TRAPPC9: variants seen among roughly 807,000 people sequenced by gnomAD.
TRAPPC9 encodes trafficking protein particle complex subunit 9.
In TRAPPC9, 83 loss-of-function variants were observed where a neutral mutation model predicts 124.0. That is an observed-to-expected ratio of 0.67 (90% confidence interval 0.56 to 0.80). The LOEUF (loss-of-function observed/expected upper bound fraction) is 0.80, where lower values mean the gene tolerates loss of function less well. Ranked by LOEUF, TRAPPC9 falls within the 30% of genes least tolerant of loss-of-function variation. TRAPPC9 has a pLI of 0.00. For synonymous variants in TRAPPC9, 638 were observed against 617.5 expected (o/e 1.03, Z -0.49); for missense variants, 1,302 against 1,508.3 (o/e 0.86, Z 2.27).
intron 9 of TRAPPC9, among the ~76,000 whole-genome samples, chr8:140,333,893 A>G (rs990371998): frequency 1.8e-4 from 28 of 152,354 alleles, no homozygotes; most frequent in African/African-American, 6.5e-4. Context: ...CCAGTGTAAC[A>G]CAGATGTTTT....
At chr8:139,922,511 T>C (rs774361274) in intron 19 of TRAPPC9, among the ~76,000 whole-genome samples, 4 of 152,238 alleles carry the variant, frequency 2.6e-5, no homozygotes, top group African/African-American at 7.2e-5. Flanking sequence ...ACAAAGCAGA[T>C]GAGGAAACTG....
At chr8:139,952,684 G>T (rs983866867) in intron 19 of TRAPPC9, among the ~76,000 whole-genome samples, 1 of 152,234 alleles carries the variant, frequency 6.6e-6, no homozygotes, top group African/African-American at 2.4e-5. Context: ...GCCAGAGGAT[G>T]GGGCCGAGGG....
chr8:139,932,497 T>C (rs1437470689), intron 19 of TRAPPC9: 2 of 456,810 alleles, frequency 4.4e-6, no homozygotes, highest in African/African-American at 4.0e-5. Flanking sequence ...GCGCGGTGGC[T>C]CACGCCTGTA....
Position 139,807,987 on chromosome 8 carries a change from G to A in TRAPPC9, c.3056-75785C>T, listed in dbSNP as rs577857000. On this transcript the variant is annotated intron_variant, in intron 21 of 22. Coordinates refer to ENST00000438773, the MANE Select transcript of TRAPPC9 (RefSeq NM_001160372.4). The stretch of plus-strand genomic sequence containing the variant: ...GTGGGGGCAGGCACAAATGGAACAC[G>A]CATCCCTACAGGTGTGTATCTTGTT... 8.2e-4 allele frequency among the ~76,000 whole-genome samples: 125 copies of A among 152,182 alleles called. 1 individual carries two copies. Among genetic ancestry groups the A allele is most frequent in the South Asian group, 1.9e-3 (9 of 4,818 alleles).
chr8:140,404,788 G>A (rs940083489), intron 6 of TRAPPC9, among the ~76,000 whole-genome samples: 1 of 149,246 alleles, frequency 6.7e-6, no homozygotes, highest in Admixed American at 6.6e-5. Context: ...GAGCATGCTT[G>A]TATGTATGTG....
intron 6 of TRAPPC9, among the ~76,000 whole-genome samples, chr8:140,402,379 C>G (rs1055630031): frequency 1.4e-5 from 2 of 147,442 alleles, no homozygotes; most frequent in Non-Finnish European, 3.0e-5. Flanking sequence ...GACTGGGCAA[C>G]AGAGCAAGAC....
In TRAPPC9 at chr8:140,075,968, G is replaced by T. The variant is rs75400023; in HGVS notation, c.2557-51889C>A. Among the ~76,000 whole-genome samples, 200 of 152,300 alleles carry T rather than the reference G, an allele frequency of 1.3e-3. 1 individual carries two copies. Among genetic ancestry groups the T allele is most frequent in the African/African-American group, 4.6e-3 (190 of 41,562 alleles). On this transcript the variant is annotated intron_variant, in intron 17 of 22. Transcript: ENST00000438773. Reference sequence around the variant, plus strand: ...TATGATAGCCCACTTCTAATGCAACGATAACGAGAAGAGCAGTGCTAATAA... The same window carrying T: ...TATGATAGCCCACTTCTAATGCAACTATAACGAGAAGAGCAGTGCTAATAA...
In TRAPPC9 at chr8:139,884,096, C is replaced by T. The variant is rs530582383; in HGVS notation, c.3055+1783G>A. Among the ~76,000 whole-genome samples, 188 of 152,248 alleles carry T rather than the reference C, an allele frequency of 1.2e-3. 1 individual carries two copies. Among genetic ancestry groups the T allele is most frequent in the African/African-American group, 4.2e-3 (176 of 41,526 alleles). ...TCTGAGGCTCAGAATCAAAGTGAATCGACATTTGTAAACGTGTCTGGCACA... is the reference window on the plus strand; with the variant it reads ...TCTGAGGCTCAGAATCAAAGTGAATTGACATTTGTAAACGTGTCTGGCACA... On this transcript the variant is annotated intron_variant, in intron 21 of 22. Transcript: ENST00000438773.
intron 7 of TRAPPC9, 69 bp downstream of exon 7, chr8:140,397,551 G>A (rs2069132366): frequency 1.3e-6 from 2 of 1,590,550 alleles, no homozygotes; most frequent in Non-Finnish European, 1.7e-6. Flanking sequence ...GAAATAAGCT[G>A]AATTCATAGT....
intron 2 of TRAPPC9, among the ~76,000 whole-genome samples, chr8:140,444,206 T>C (rs1588368801): frequency 1.4e-5 from 2 of 144,392 alleles, no homozygotes; most frequent in Admixed American, 6.9e-5. Flanking sequence ...AGTGAGACTC[T>C]GTCTCAAAAA....
intron 21 of TRAPPC9, among the ~76,000 whole-genome samples, chr8:139,800,500 C>T (rs1823416968): frequency 6.6e-6 from 1 of 152,200 alleles, no homozygotes; most frequent in Non-Finnish European, 1.5e-5. Flanking sequence ...GGTCGCCTGT[C>T]CCAAAGCTGA....
Position 140,257,102 on chromosome 8 carries a change from T to C in TRAPPC9, c.2279-4173A>G, listed in dbSNP as rs1212762141. Among the ~76,000 whole-genome samples the C allele has an allele frequency of 2.0e-5, 3 of 152,190 alleles. No individual in the cohort carries two copies. The highest frequency in any genetic ancestry group is 4.4e-5 in the Non-Finnish European group (3 of 68,038). Reference sequence around the variant, plus strand: ...CCAGAGGAGGCATGAGTCTCCGCCATAGTGCAGAGTAGTTAGCTTACAGCA... The same window carrying C: ...CCAGAGGAGGCATGAGTCTCCGCCACAGTGCAGAGTAGTTAGCTTACAGCA... On this transcript the variant is annotated intron_variant, in intron 15 of 22. Transcript: ENST00000438773. This position sits in a 1 kb window ranked among gnomAD's most constrained non-coding sequence, Gnocchi z 4.6.
At chr8:140,239,075 G>GCTGGCTTGGGGGCAC (rs2063795497) in intron 16 of TRAPPC9, among the ~76,000 whole-genome samples, 1 of 152,204 alleles carries the variant, frequency 6.6e-6, no homozygotes, top group African/African-American at 2.4e-5. Context: ...CCTTGGAGCA[G>GCTGGCTTGGGGGCAC]CTGGCTTGGG....
At chr8:140,075,234 T>C (rs1222140694) in intron 17 of TRAPPC9, among the ~76,000 whole-genome samples, 1 of 152,174 alleles carries the variant, frequency 6.6e-6, no homozygotes, top group Non-Finnish European at 1.5e-5. Context: ...CACTAGACTG[T>C]CTTGGAGGTT....
At chr8:140,310,619 CA>C (rs781073171) in intron 10 of TRAPPC9, among the ~76,000 whole-genome samples, 5 of 152,150 alleles carry the variant, frequency 3.3e-5, no homozygotes, top group Non-Finnish European at 7.3e-5. Flanking sequence ...GAGTGACAGT[CA>C]CACAGAAAGG....
intron 4 of TRAPPC9, among the ~76,000 whole-genome samples, chr8:140,427,995 G>A (rs2070490294): frequency 6.6e-6 from 1 of 152,088 alleles, no homozygotes; most frequent in African/African-American, 2.4e-5. Flanking sequence ...CTGAAGCCCA[G>A]AGGAGCCAAG....
chr8:140,405,877 A>C (rs187018066), intron 5 of TRAPPC9, among the ~76,000 whole-genome samples, 179 bp from the exon 6 acceptor site: 1 of 152,368 alleles, frequency 6.6e-6, no homozygotes, highest in East Asian at 1.9e-4. Flanking sequence ...AAAGCATTGT[A>C]TTAAATGTTG....
chr8:139,784,498 C>T (rs1822049509), intron 21 of TRAPPC9, among the ~76,000 whole-genome samples: 1 of 151,590 alleles, frequency 6.6e-6, no homozygotes, highest in Non-Finnish European at 1.5e-5. Context: ...GGCCTGAACC[C>T]AGGAGGCTGA....
At chr8:140,416,857 G>C (rs552986600) in intron 5 of TRAPPC9, among the ~76,000 whole-genome samples, 7 of 152,248 alleles carry the variant, frequency 4.6e-5, no homozygotes, top group Admixed American at 1.3e-4. Flanking sequence ...CATGGTACTG[G>C]TACCAAAACA....
Sources: allele counts gnomAD v4.1 joint callset (sites outside exome capture counted in the v4.1 genomes callset), GRCh38; gene constraint gnomAD v4.1.1; non-coding constraint Gnocchi (gnomAD v3.1); transcripts MANE v1.5; gene names NCBI Gene and HGNC (gene_info 2026-07-23, HGNC 2026-07-21).